Variants in MYO6 observed in about 807,000 individuals in gnomAD.
The protein encoded by MYO6 is unconventional myosin-VI.
MYO6 carries 74 observed loss-of-function variants against 178.7 expected under a neutral mutation model. That is an observed-to-expected ratio of 0.41 (90% CI 0.34 to 0.50). MYO6 has a LOEUF of 0.50. Ranked by LOEUF, MYO6 falls within the 20% of genes least tolerant of loss-of-function variation. MYO6 has a pLI of 0.09. For synonymous variants in MYO6, 477 were observed against 504.6 expected (o/e 0.95, Z 0.73); for missense variants, 1,330 against 1,547.4 (o/e 0.86, Z 2.36).
chr6:75,876,738 T>C (rs1433562307), intron 20 of MYO6, among the ~76,000 whole-genome samples: 2 of 152,168 alleles, frequency 1.3e-5, no homozygotes, highest in Admixed American at 6.5e-5. Flanking sequence ...CAATTCATTA[T>C]ACTTTGATTT....
At chr6:75,876,091 G>A (rs1377843518) in intron 20 of MYO6, among the ~76,000 whole-genome samples, 1 of 151,982 alleles carries the variant, frequency 6.6e-6, no homozygotes, top group Non-Finnish European at 1.5e-5. Flanking sequence ...TGCCTCCTCT[G>A]TTTGGGATGT....
chr6:75,866,275 CTGTG>C (rs10687890), intron 16 of MYO6, among the ~76,000 whole-genome samples: 138 of 119,172 alleles, frequency 1.2e-3, no homozygotes, highest in African/African-American at 2.7e-3. Flanking sequence ...GTCTCTGTCT[CTGTG>C]TGTGTGTGTG....
intron 1 of MYO6, among the ~76,000 whole-genome samples, chr6:75,793,795 A>T (rs1228376300): frequency 6.6e-6 from 1 of 152,202 alleles, no homozygotes; most frequent in Non-Finnish European, 1.5e-5. Flanking sequence ...CTCTTCTGAA[A>T]CATCATTAGA....
At chr6:75,796,705 C>A (rs975908874) in intron 1 of MYO6, among the ~76,000 whole-genome samples, 4 of 151,088 alleles carry the variant, frequency 2.6e-5, no homozygotes, top group African/African-American at 9.7e-5. Context: ...TGAACTCAAG[C>A]AGTCCTCTTG....
chr6:75,895,751 C>T (rs1246561273), intron 29 of MYO6, among the ~76,000 whole-genome samples: 1 of 151,940 alleles, frequency 6.6e-6, no homozygotes, highest in Non-Finnish European at 1.5e-5. Flanking sequence ...CTCTTGACCT[C>T]GTGATCCACC....
At chr6:75,855,415 C>A in intron 12 of MYO6, 132 bp downstream of exon 12, 1 of 863,110 alleles carries the variant, frequency 1.2e-6, no homozygotes, top group Non-Finnish European at 1.9e-6. Context: ...AGTAATCCAC[C>A]ATATAAATAA....
At chr6:75,861,554 A>C (rs2149295641) in intron 15 of MYO6, among the ~76,000 whole-genome samples, 1 of 152,316 alleles carries the variant, frequency 6.6e-6, no homozygotes, top group Middle Eastern at 3.4e-3. Flanking sequence ...GCCAGATAAC[A>C]CTGCGCAGCA....
At chr6:75,898,254 T>TA (rs1779456103) in intron 29 of MYO6, 119 bp from the exon 30 acceptor site, 9 of 668,862 alleles carry the variant, frequency 1.3e-5, no homozygotes, top group Non-Finnish European at 2.2e-5. Flanking sequence ...GTAAAACAGT[T>TA]ATGAACAGTT....
intron 23 of MYO6, 123 bp downstream of exon 23, chr6:75,881,941 C>G: frequency 1.8e-6 from 2 of 1,110,784 alleles, no homozygotes; most frequent in South Asian, 2.6e-5. Context: ...ACACTGGGTC[C>G]CAGGTTCCTA....
intron 30 of MYO6, among the ~76,000 whole-genome samples, chr6:75,903,533 A>G (rs1159174085): frequency 3.9e-5 from 6 of 152,022 alleles, no homozygotes; most frequent in Non-Finnish European, 8.8e-5. Flanking sequence ...GTTTTATCAG[A>G]GACTAGGATT....
chr6:75,875,189 A>G lies in MYO6; in HGVS notation c.2077+1889A>G, dbSNP rs565330985. On this transcript the variant is annotated intron_variant, in intron 20 of 34. Transcript: ENST00000369977. ...GATTTTCCATATCTGTCAGTTTAGT[A>G]GCCATGAGACACATTTGACTCCTAA... 2.0e-5 allele frequency among the ~76,000 whole-genome samples: 3 copies of G among 152,346 alleles called. No individual in the cohort carries two copies. The South Asian group carries it at 6.2e-4, about 32-fold the overall frequency.
chr6:75,821,026 T>C (rs1771819461), intron 2 of MYO6, among the ~76,000 whole-genome samples: 1 of 152,204 alleles, frequency 6.6e-6, no homozygotes, highest in East Asian at 1.9e-4. Flanking sequence ...AAAGCCTCCT[T>C]CTTCTAAGAG....
chr6:75,812,658 C>CA (rs1012974557), intron 1 of MYO6, among the ~76,000 whole-genome samples: 7 of 137,938 alleles, frequency 5.1e-5, no homozygotes, highest in African/African-American at 1.8e-4. Flanking sequence ...TCAATTGTTT[C>CA]AGTTTTTTTT....
At chr6:75,894,169 G>A (rs1779116816) in intron 28 of MYO6, among the ~76,000 whole-genome samples, 1 of 152,190 alleles carries the variant, frequency 6.6e-6, no homozygotes, top group Non-Finnish European at 1.5e-5. Context: ...GCTGTATCCA[G>A]TGCCATTCCA....
chr6:75,803,283 T>TA lies in MYO6; in HGVS notation c.-47-14217dup, dbSNP rs528076920. Among the ~76,000 whole-genome samples, 470 of 152,302 alleles carry TA rather than the reference T, an allele frequency of 3.1e-3. 1 individual carries two copies. Among genetic ancestry groups the TA allele is most frequent in the African/African-American group, 0.01 (423 of 41,580 alleles). On this transcript the variant is annotated intron_variant, in intron 1 of 34. Coordinates refer to ENST00000369977, the MANE Select transcript of MYO6 (RefSeq NM_004999.4). The stretch of plus-strand genomic sequence containing the variant: ...TTAATGACATACTTGCTTTTTTTTT[T>TA]ATCCCCTTTTTTTGTTAGCACATCA...
Position 75,862,614 on chromosome 6 carries a change from T to C in MYO6, c.1565T>C (p.Leu522Ser), listed in dbSNP as rs1299906068. 2 of 1,613,618 alleles carry C rather than the reference T, an allele frequency of 1.2e-6. No homozygotes were observed. Among genetic ancestry groups the C allele is most frequent in the Non-Finnish European group, 8.5e-7 (1 of 1,179,578 alleles). Residue 522 changes from leucine (L) to serine (S), a missense_variant, in exon 16 of 35, where the codon TTA becomes TCA. Transcript: ENST00000369977. ...QDCIDLIEAK[L>S]VGILDILDEE... The stretch of plus-strand genomic sequence containing the variant: ...GAAATAGATTTAATTGAAGCCAAAT[T>C]AGTGGGAATACTGGATATTTTGGAT...
At chr6:75,892,450 C>T (rs1778972339) in intron 27 of MYO6, 80 bp from the exon 28 acceptor site, 1 of 1,586,622 alleles carries the variant, frequency 6.3e-7, no homozygotes, top group Non-Finnish European at 8.6e-7. Flanking sequence ...TTATGCTTTC[C>T]CTTTATTTTA....
At chr6:75,841,775 A>G (rs1217069602) in intron 9 of MYO6, among the ~76,000 whole-genome samples, 2 of 152,168 alleles carry the variant, frequency 1.3e-5, no homozygotes, top group Non-Finnish European at 2.9e-5. Context: ...TTTGAAATCT[A>G]CTTGTTGTGT....
At chr6:75,816,125 T>A (rs994756445) in intron 1 of MYO6, among the ~76,000 whole-genome samples, 1 of 152,230 alleles carries the variant, frequency 6.6e-6, no homozygotes, top group Non-Finnish European at 1.5e-5. Context: ...AATCCAAATA[T>A]TCATCAACAG....
Sources: allele counts gnomAD v4.1 joint callset (sites outside exome capture counted in the v4.1 genomes callset), GRCh38; gene constraint gnomAD v4.1.1; transcripts MANE v1.5; gene names NCBI Gene and HGNC (gene_info 2026-07-23, HGNC 2026-07-21).